The following STK32B variants were observed in gnomAD, a reference collection of about 807,000 sequenced individuals.
The protein encoded by STK32B is serine/threonine-protein kinase 32B.
A neutral mutation model predicts 52.6 loss-of-function variants in STK32B; 43 were observed. The ratio of observed to expected loss-of-function variants is 0.82; its 90% CI spans 0.64 to 1.05. The LOEUF (loss-of-function observed/expected upper bound fraction) is 1.05, where lower values mean the gene tolerates loss of function less well. Among genes scored for constraint, STK32B ranks in the 50% least tolerant of loss-of-function variants. The probability of loss-of-function intolerance (pLI) is 0.00; values close to 1 mark genes in which losing one functional copy is unlikely to be tolerated. For synonymous variants in STK32B, 238 were observed against 204.3 expected (o/e 1.17, Z -1.41); for missense variants, 621 against 534.6 (o/e 1.16, Z -1.59).
intron 4 of STK32B, among the ~76,000 whole-genome samples, chr4:5,333,398 T>A: frequency 6.6e-6 from 1 of 152,228 alleles, no homozygotes; most frequent in East Asian, 1.9e-4. Context: ...GATGAGTAGG[T>A]TGGGAAAATG....
At chr4:5,418,407 TATAAG>T (rs1712338020) in intron 6 of STK32B, among the ~76,000 whole-genome samples, 1 of 152,244 alleles carries the variant, frequency 6.6e-6, no homozygotes, top group African/African-American at 2.4e-5. Flanking sequence ...TTGCAAATGA[TATAAG>T]AAATACATGT....
At chr4:5,445,010 C>G (rs1047117864) in intron 6 of STK32B, among the ~76,000 whole-genome samples, 1 of 152,154 alleles carries the variant, frequency 6.6e-6, no homozygotes, top group African/African-American at 2.4e-5. Context: ...TGAGACGAAC[C>G]TTACTTCAAA....
intron 2 of STK32B, among the ~76,000 whole-genome samples, chr4:5,159,925 A>C (rs905543369): frequency 3.3e-5 from 5 of 151,954 alleles, no homozygotes; most frequent in African/African-American, 1.2e-4. Flanking sequence ...CTGCAGATCA[A>C]GTCTGAAGGG....
At chr4:5,317,400 A>G (rs1248450028) in intron 3 of STK32B, among the ~76,000 whole-genome samples, 1 of 85,516 alleles carries the variant, frequency 1.2e-5, no homozygotes, top group East Asian at 2.9e-4. Flanking sequence ...TATAATATAT[A>G]TAATGTATAT....
intron 4 of STK32B, among the ~76,000 whole-genome samples, chr4:5,388,993 A>G (rs1736426941): frequency 6.6e-6 from 1 of 152,304 alleles, no homozygotes; most frequent in South Asian, 2.1e-4. Flanking sequence ...TGTTCTTTGC[A>G]GGATTAAAAA....
At chr4:5,022,641 G>C in the STK32B span, among the ~76,000 whole-genome samples, 2 of 152,170 alleles carry the variant, frequency 1.3e-5, no homozygotes, top group East Asian at 1.9e-4. Flanking sequence ...TCTTACATCG[G>C]GCACGGACCC....
chr4:5,451,435 A>G (rs957552018), intron 7 of STK32B, among the ~76,000 whole-genome samples: 32 of 152,280 alleles, frequency 2.1e-4, no homozygotes, highest in Admixed American at 1.9e-3. Flanking sequence ...TCTGTAGGTA[A>G]TGTGGTACTA....
chr4:5,245,665 C>T (rs1055986401), intron 3 of STK32B, among the ~76,000 whole-genome samples: 5 of 152,104 alleles, frequency 3.3e-5, no homozygotes, highest in African/African-American at 4.8e-5. Context: ...TTCTTCCTAG[C>T]CTCGATGGTC....
At chr4:5,480,708 A>G (rs7672659) in intron 11 of STK32B, among the ~76,000 whole-genome samples, 1,534 of 152,082 alleles carry the variant, frequency 0.01, 21 homozygotes, top group African/African-American at 0.034. Context: ...CATTAGGTAT[A>G]TCTCCTAATG....
At chr4:5,332,203 T>A (rs905953910) in intron 4 of STK32B, among the ~76,000 whole-genome samples, 12 of 152,088 alleles carry the variant, frequency 7.9e-5, no homozygotes, top group Admixed American at 7.9e-4. Flanking sequence ...TAAATGACAG[T>A]AAGGAATGTT....
chr4:5,344,128 G>A (rs777445988), intron 4 of STK32B, among the ~76,000 whole-genome samples: 3 of 152,078 alleles, frequency 2.0e-5, no homozygotes, highest in East Asian at 1.9e-4. Context: ...GCAGGACCCC[G>A]GTAATTCCTT....
the STK32B span, among the ~76,000 whole-genome samples, chr4:5,032,893 ACT>A: frequency 6.6e-6 from 1 of 151,308 alleles, no homozygotes; most frequent in African/African-American, 2.4e-5. Flanking sequence ...AGACAGTTGA[ACT>A]CTCTGAGCTC....
intron 11 of STK32B, among the ~76,000 whole-genome samples, chr4:5,487,545 ATT>A (rs1719331853): frequency 6.6e-6 from 1 of 152,212 alleles, no homozygotes; most frequent in Non-Finnish European, 1.5e-5. Flanking sequence ...TGTTGTAGCC[ATT>A]GAGTCACATT....
intron 3 of STK32B, among the ~76,000 whole-genome samples, chr4:5,176,584 C>T (rs557973040): frequency 6.6e-6 from 1 of 151,864 alleles, no homozygotes; most frequent in Non-Finnish European, 1.5e-5. Flanking sequence ...GCTGGGATTA[C>T]AAGCGCCTGC....
chr4:5,156,055 C>G (rs1007897231), intron 2 of STK32B, among the ~76,000 whole-genome samples: 1 of 151,762 alleles, frequency 6.6e-6, no homozygotes, highest in Non-Finnish European at 1.5e-5. Context: ...AAAACACATA[C>G]AGTACACATA....
intron 7 of STK32B, among the ~76,000 whole-genome samples, chr4:5,452,746 C>T (rs1220759850): frequency 6.6e-6 from 1 of 152,080 alleles, no homozygotes; most frequent in Non-Finnish European, 1.5e-5. Flanking sequence ...CAATTCTTTT[C>T]CTCTGTCTTC....
intron 3 of STK32B, among the ~76,000 whole-genome samples, chr4:5,231,125 T>A (rs1434651716): frequency 6.6e-6 from 1 of 152,072 alleles, no homozygotes; most frequent in Non-Finnish European, 1.5e-5. Flanking sequence ...TCCACATCAC[T>A]CTCACAAGGA....
In STK32B at chr4:5,460,629, G is replaced by T. The variant is rs1213721532; in HGVS notation, c.909+401G>T. On this transcript the variant is annotated intron_variant, in intron 9 of 11. Coordinates refer to ENST00000282908, the MANE Select transcript of STK32B (RefSeq NM_018401.3). This position sits in a 1 kb window ranked among gnomAD's most constrained non-coding sequence, Gnocchi z 4.8. ...ACAAGCTCGGAAGAGGGAGAGGTGG[G>T]ATGGGAGGGGCAGAGGCAGGGGCTT... 6.6e-6 allele frequency among the ~76,000 whole-genome samples: 1 copy of T among 152,224 alleles called. No individual in the cohort carries two copies. The highest frequency in any genetic ancestry group is 1.5e-5 in the Non-Finnish European group (1 of 68,036).
At chr4:5,491,081 A>G (rs988963914) in intron 11 of STK32B, among the ~76,000 whole-genome samples, 1 of 152,220 alleles carries the variant, frequency 6.6e-6, no homozygotes, top group African/African-American at 2.4e-5. Flanking sequence ...TCCTTTGGGT[A>G]TATACCCAGT....
Sources: allele counts gnomAD v4.1 joint callset (sites outside exome capture counted in the v4.1 genomes callset), GRCh38; gene constraint gnomAD v4.1.1; non-coding constraint Gnocchi (gnomAD v3.1); transcripts MANE v1.5; gene names NCBI Gene and HGNC (gene_info 2026-07-23, HGNC 2026-07-21).